Variants in ANK2 observed in about 807,000 individuals in gnomAD.
ANK2 encodes ankyrin-2.
A neutral mutation model predicts 360.5 loss-of-function variants in ANK2; 83 were observed. That is an observed-to-expected ratio of 0.23 (90% CI 0.19 to 0.28). The LOEUF (loss-of-function observed/expected upper bound fraction) is 0.28, where lower values mean the gene tolerates loss of function less well. Among genes scored for constraint, ANK2 ranks in the 10% least tolerant of loss-of-function variants. ANK2 has a pLI of 1.00. For synonymous variants in ANK2, 1,740 were observed against 1,759.5 expected (o/e 0.99, Z 0.28); for missense variants, 4,201 against 4,795.7 (o/e 0.88, Z 3.66).
intron 2 of ANK2, among the ~76,000 whole-genome samples, chr4:113,188,258 A>G (rs923604898): frequency 2.0e-5 from 3 of 152,206 alleles, no homozygotes; most frequent in Admixed American, 6.5e-5. Context: ...GATTTTGGCT[A>G]TGAAGTTTCT....
chr4:113,024,317 C>T (rs1007367914), intron 2 of ANK2, among the ~76,000 whole-genome samples: 1 of 152,092 alleles, frequency 6.6e-6, no homozygotes, highest in Non-Finnish European at 1.5e-5. Flanking sequence ...CTCAGATAGA[C>T]ACAGGTGAGA....
the ANK2 span, among the ~76,000 whole-genome samples, chr4:112,781,317 C>T: frequency 6.6e-5 from 10 of 152,218 alleles, no homozygotes; most frequent in Non-Finnish European, 1.0e-4. Context: ...CCAGGCTGCT[C>T]GTGAACTCCA....
intron 10 of ANK2, among the ~76,000 whole-genome samples, chr4:113,251,805 A>G (rs2046596090): frequency 6.6e-6 from 1 of 152,074 alleles, no homozygotes; most frequent in Non-Finnish European, 1.5e-5. Context: ...TATAGCTGCA[A>G]GAAGCTCAGA....
At chr4:113,195,257 A>C (rs1396975256) in intron 2 of ANK2, among the ~76,000 whole-genome samples, 1 of 152,082 alleles carries the variant, frequency 6.6e-6, no homozygotes, top group African/African-American at 2.4e-5. Context: ...AGGAATTAAC[A>C]ATGAAATATT....
At chr4:113,362,526 C>T (rs958534615) in intron 39 of ANK2, among the ~76,000 whole-genome samples, 3 of 152,136 alleles carry the variant, frequency 2.0e-5, no homozygotes, top group Admixed American at 6.6e-5. Flanking sequence ...CTCACTGTAA[C>T]CTCAAACTCC....
chr4:113,226,038 G>A (rs1322063713), intron 4 of ANK2, among the ~76,000 whole-genome samples: 3 of 152,016 alleles, frequency 2.0e-5, no homozygotes, highest in East Asian at 3.8e-4. Flanking sequence ...CTTCCTAATC[G>A]TGAAACAGAG....
the ANK2 span, among the ~76,000 whole-genome samples, chr4:112,783,602 G>A: frequency 0.018 from 2,675 of 146,142 alleles, 92 homozygotes; most frequent in African/African-American, 0.063. Context: ...TTCAACTTAT[G>A]TTATGAAATC....
intron 2 of ANK2, among the ~76,000 whole-genome samples, chr4:113,178,190 C>T (rs183690074): frequency 6.6e-6 from 1 of 151,706 alleles, no homozygotes; most frequent in East Asian, 1.9e-4. Flanking sequence ...CCCAGGAGTT[C>T]CAGGCTGCAG....
At chr4:113,159,368 T>G (rs1269335886) in intron 1 of ANK2, among the ~76,000 whole-genome samples, 1 of 152,142 alleles carries the variant, frequency 6.6e-6, no homozygotes, top group African/African-American at 2.4e-5. Flanking sequence ...CTCCTTCGTA[T>G]CTTGGCCAGA....
At chr4:113,143,203 C>T (rs187578627) in intron 1 of ANK2, among the ~76,000 whole-genome samples, 1 of 53,406 alleles carries the variant, frequency 1.9e-5, no homozygotes, top group African/African-American at 8.2e-5. Flanking sequence ...TAGTCACAAC[C>T]TTATTCAAAA....
At position 113,207,288 on chromosome 4, in the gene ANK2, TTGAA is replaced by T. The variant is rs765170839; in HGVS notation, c.384+8185_384+8188del. On this transcript the variant is annotated intron_variant, in intron 4 of 45. Transcript: ENST00000357077. Reference sequence around the variant, plus strand: ...CCTGCTTGTCATTTTATTCTGAAATTTGAATGAATAATCGAAGACATCATCACAT... The same window carrying T: ...CCTGCTTGTCATTTTATTCTGAAATTTGAATAATCGAAGACATCATCACAT... Among the ~76,000 whole-genome samples, 27 of 152,324 alleles carry T rather than the reference TTGAA, an allele frequency of 1.8e-4. No individual in the cohort carries two copies. In the East Asian group the frequency reaches 3.1e-3, roughly 17 times the overall value.
chr4:113,208,562 G>T (rs1321052895), intron 4 of ANK2, among the ~76,000 whole-genome samples: 20 of 151,916 alleles, frequency 1.3e-4, no homozygotes, highest in Non-Finnish European at 1.5e-5. Flanking sequence ...GAGTGCAGTG[G>T]CATGATATAG....
At chr4:113,376,330 G>A (rs961760651) in intron 45 of ANK2, among the ~76,000 whole-genome samples, 8 of 152,134 alleles carry the variant, frequency 5.3e-5, no homozygotes, top group Non-Finnish European at 1.2e-4. Context: ...TAACACAATG[G>A]TAAGTATTTC....
intron 12 of ANK2, 64 bp downstream of exon 12, chr4:113,258,212 T>C: frequency 1.3e-6 from 2 of 1,576,978 alleles, no homozygotes; most frequent in Non-Finnish European, 1.7e-6. Context: ...CCTTTCCTTT[T>C]TCTCATCTTC....
intron 14 of ANK2, among the ~76,000 whole-genome samples, chr4:113,265,808 C>T (rs896154620): frequency 6.6e-6 from 1 of 152,140 alleles, no homozygotes. Context: ...TAATTTCCCT[C>T]CTTCTTCAAT....
Position 112,941,445 on chromosome 4 carries a change from T to G in ANK2, c.21+36931T>G, listed in dbSNP as rs990055277. 1.1e-3 allele frequency among the ~76,000 whole-genome samples: 156 copies of G among 144,348 alleles called. 1 individual carries two copies. Among genetic ancestry groups the G allele is most frequent in the Middle Eastern group, 5.6e-3 (1 of 180 alleles). 94.7% of individuals were successfully genotyped at this position (144,348 alleles called of 152,430 possible). ...AAGATATATTTTTTGTATATATACA[T>G]ATATCTTTTATAAATATATCTTTAT... On this transcript the variant is annotated intron_variant, in intron 2 of 30. Coordinates refer to the ANK2 transcript ENST00000503271.
At chr4:113,079,810 C>T (rs1414176745) in intron 1 of ANK2, among the ~76,000 whole-genome samples, 1 of 151,642 alleles carries the variant, frequency 6.6e-6, no homozygotes, top group Non-Finnish European at 1.5e-5. Context: ...TTCAATAAAG[C>T]AAAAATAATG....
chr4:113,066,111 G>C (rs1368075400), intron 1 of ANK2, among the ~76,000 whole-genome samples: 1 of 152,216 alleles, frequency 6.6e-6, no homozygotes, highest in South Asian at 2.1e-4. Flanking sequence ...GTCCTCTAAA[G>C]GTGTTTGGTT....
chr4:113,305,330 A>C (rs1362291754), intron 23 of ANK2, among the ~76,000 whole-genome samples: 4 of 89,344 alleles, frequency 4.5e-5, no homozygotes, highest in Non-Finnish European at 6.1e-5. Context: ...ACAGAGCGAG[A>C]CTCCGTCTCA....
Sources: gnomAD v4.1 joint callset for allele counts (sites outside exome capture counted in the v4.1 genomes callset) on GRCh38, gnomAD v4.1.1 for gene constraint, MANE v1.5 for transcripts, NCBI Gene and HGNC (gene_info 2026-07-23, HGNC 2026-07-21) for gene names.